The following HTR2A variants were observed in gnomAD, a reference collection of about 807,000 sequenced individuals.
HTR2A encodes the protein 5-HT2 receptor.
A neutral mutation model predicts 31.0 loss-of-function variants in HTR2A; 14 were observed. That is an observed-to-expected ratio of 0.45 (90% CI 0.30 to 0.71). The LOEUF (loss-of-function observed/expected upper bound fraction) is 0.71. Ranked by LOEUF, HTR2A falls within the 30% of genes least tolerant of loss-of-function variation. The pLI is 0.09. For missense variants in HTR2A, 442 were observed against 573.3 expected (o/e 0.77, Z 2.34); for synonymous variants, 209 against 225.2 (o/e 0.93, Z 0.64).
intron 3 of HTR2A, among the ~76,000 whole-genome samples, chr13:46,847,072 T>A (rs1318992854): frequency 6.6e-6 from 1 of 152,230 alleles, no homozygotes; most frequent in African/African-American, 2.4e-5. Flanking sequence ...TAAGCCAATG[T>A]CCTAGCTACA....
rs893967366 is a variant in HTR2A at position 46,896,219 on chromosome 13, C to T, written c.-313G>A. 2.4e-5 allele frequency: 27 copies of T among 1,120,830 alleles called. No individual in the cohort carries two copies. Among genetic ancestry groups the T allele is most frequent in the Non-Finnish European group, 2.8e-5 (26 of 918,220 alleles). The allele number at this position is 1,120,830 out of a possible 1,614,324, so 69.4% of individuals were successfully genotyped here. On this transcript the variant is annotated 5_prime_UTR_variant, in exon 2 of 4. Transcript: ENST00000542664. ...GGTTGCAGGGTTTTTTTTGAGCGCTCGGGAAGATAAATGTCCTGGACAAAG... is the reference window on the plus strand; with the variant it reads ...GGTTGCAGGGTTTTTTTTGAGCGCTTGGGAAGATAAATGTCCTGGACAAAG...
At chr13:46,846,847 C>T (rs537704995) in intron 3 of HTR2A, among the ~76,000 whole-genome samples, 16 of 152,234 alleles carry the variant, frequency 1.1e-4, no homozygotes, top group African/African-American at 1.9e-4. Flanking sequence ...TATGTTAATA[C>T]GGAATCAGTT....
intron 3 of HTR2A, among the ~76,000 whole-genome samples, chr13:46,876,464 C>T (rs1315964427): frequency 1.5e-5 from 2 of 132,124 alleles, no homozygotes; most frequent in Non-Finnish European, 3.1e-5. Flanking sequence ...GGCTGGAGTG[C>T]AGTGGCGCAA....
chr13:46,863,773 G>A (rs974425189), intron 3 of HTR2A, among the ~76,000 whole-genome samples: 2 of 151,020 alleles, frequency 1.3e-5, no homozygotes, highest in East Asian at 1.9e-4. Context: ...TAAATAACAC[G>A]CTGGCAAGGT....
At chr13:46,850,924 T>G (rs1950679353) in intron 3 of HTR2A, among the ~76,000 whole-genome samples, 1 of 152,226 alleles carries the variant, frequency 6.6e-6, no homozygotes, top group Non-Finnish European at 1.5e-5. Flanking sequence ...GGTTCCCAGC[T>G]AATTGGTGTC....
chr13:46,896,181 C>T lies in HTR2A; in HGVS notation c.-275G>A. 8.4e-7 allele frequency: 1 copy of T among 1,196,766 alleles called. No homozygotes were observed. The highest frequency in any genetic ancestry group is 1.0e-6 in the Non-Finnish European group (1 of 966,210). The allele number at this position is 1,196,766 out of a possible 1,614,324, so 74.1% of individuals were successfully genotyped here. On this transcript the variant is annotated 5_prime_UTR_variant, in exon 2 of 4. Coordinates refer to ENST00000542664, the MANE Select transcript of HTR2A (RefSeq NM_000621.5). Reference sequence around the variant, plus strand: ...ACCGAGGACAAAAAAGCAGAATGAACTTTTAGCATAGAGGTTGCAGGGTTT... The same window carrying T: ...ACCGAGGACAAAAAAGCAGAATGAATTTTTAGCATAGAGGTTGCAGGGTTT...
intron 3 of HTR2A, among the ~76,000 whole-genome samples, chr13:46,860,918 G>A (rs1950773948): frequency 6.6e-6 from 1 of 152,142 alleles, no homozygotes; most frequent in South Asian, 2.1e-4. Context: ...AAAAGCACAG[G>A]GAGCTTGATG....
intron 3 of HTR2A, among the ~76,000 whole-genome samples, chr13:46,882,398 T>C (rs1471843430): frequency 6.6e-6 from 1 of 152,140 alleles, no homozygotes; most frequent in East Asian, 1.9e-4. Flanking sequence ...GGGAAACAAA[T>C]GATGCTGGGA....
At chr13:46,864,198 TGAG>T in intron 3 of HTR2A, among the ~76,000 whole-genome samples, 1 of 152,070 alleles carries the variant, frequency 6.6e-6, no homozygotes, top group Non-Finnish European at 1.5e-5. Context: ...AGCTAAATGA[TGAG>T]AACACATGGA....
intron 3 of HTR2A, among the ~76,000 whole-genome samples, chr13:46,844,052 C>T (rs1396680741): frequency 6.6e-6 from 1 of 151,668 alleles, no homozygotes; most frequent in Non-Finnish European, 1.5e-5. Context: ...CTCAATATTC[C>T]TTCAACACCT....
At chr13:46,855,677 C>A (rs1337908402) in intron 3 of HTR2A, among the ~76,000 whole-genome samples, 1 of 152,080 alleles carries the variant, frequency 6.6e-6, no homozygotes, top group East Asian at 1.9e-4. Flanking sequence ...CAGGTGAGGA[C>A]CTTGCTACAA....
chr13:46,893,571 G>T (rs1337439549), intron 2 of HTR2A, among the ~76,000 whole-genome samples: 1 of 152,150 alleles, frequency 6.6e-6, no homozygotes, highest in African/African-American at 2.4e-5. Context: ...GGGCTGAGGT[G>T]GACATCAAAT....
intron 3 of HTR2A, among the ~76,000 whole-genome samples, chr13:46,845,299 G>A (rs900495553): frequency 2.6e-5 from 4 of 152,176 alleles, no homozygotes; most frequent in African/African-American, 9.7e-5. Flanking sequence ...AGCTGGGCCT[G>A]TGAATGAATA....
chr13:46,837,493 G>T (rs1005246519), intron 3 of HTR2A, among the ~76,000 whole-genome samples: 1 of 152,136 alleles, frequency 6.6e-6, no homozygotes, highest in Non-Finnish European at 1.5e-5. Context: ...TCTAACTCCT[G>T]CCCATATTAT....
In HTR2A at chr13:46,831,603, A is replaced by T. The variant is rs558852850; in HGVS notation, c.*3234T>A. 6.6e-6 allele frequency: 1 copy of T among 152,354 alleles called. No homozygotes were observed. The highest frequency in any genetic ancestry group is 1.9e-4 in the East Asian group (1 of 5,188). The allele number at this position is 152,354 out of a possible 1,614,324, so 9.4% of individuals were successfully genotyped here. On this transcript the variant is annotated 3_prime_UTR_variant, in exon 4 of 4. Transcript: ENST00000542664. The stretch of plus-strand genomic sequence containing the variant: ...TTATCCTTTCTTGAAAACTTTTAGC[A>T]TCGCCTTGATTAAAATAAGTTCATA...
intron 3 of HTR2A, among the ~76,000 whole-genome samples, chr13:46,861,476 A>C (rs557939902): frequency 1.3e-5 from 2 of 152,312 alleles, no homozygotes; most frequent in Admixed American, 6.5e-5. Flanking sequence ...AAAGGAGTAA[A>C]GTTGCTTCTG....
intron 3 of HTR2A, among the ~76,000 whole-genome samples, chr13:46,868,729 G>A (rs1950839740): frequency 6.6e-6 from 1 of 152,010 alleles, no homozygotes; most frequent in South Asian, 2.1e-4. Flanking sequence ...TTTCATCCTT[G>A]AAGCATCTAA....
At position 46,835,158 on chromosome 13, in the gene HTR2A, A is replaced by C; in HGVS notation, c.1095T>G (p.Phe365Leu). 1 of 1,614,118 alleles carries C rather than the reference A, an allele frequency of 6.2e-7. No individual in the cohort carries two copies. Among genetic ancestry groups the C allele is most frequent in the Non-Finnish European group, 8.5e-7 (1 of 1,179,998 alleles). ...CTGAAGAGAGATAACCGATCCAAAC[A>C]AACACATTGAGCAGGGCCCCAATGA... ...EDVIGALLNV[F>L]VWIGYLSSAV... Residue 365 changes from phenylalanine (F) to leucine (L), a missense_variant, in exon 4 of 4, where the codon TTT becomes TTG. Around this residue, in one of 5 missense-constraint regions of HTR2A, gnomAD observed 174 missense variants for 195.1 expected, o/e 0.89. Transcript: ENST00000542664.
At chr13:46,884,859 A>C (rs891795425) in intron 3 of HTR2A, among the ~76,000 whole-genome samples, 4 of 152,084 alleles carry the variant, frequency 2.6e-5, no homozygotes, top group African/African-American at 9.7e-5. Context: ...TATTATCACT[A>C]TATTATCATT....
Sources: gnomAD v4.1 joint callset for allele counts (sites outside exome capture counted in the v4.1 genomes callset) on GRCh38, gnomAD v4.1.1 for gene constraint, gnomAD v4.1.1 regional missense constraint, MANE v1.5 for transcripts, NCBI Gene and HGNC (gene_info 2026-07-23, HGNC 2026-07-21) for gene names.